Variants in COL18A1 observed in about 807,000 individuals in gnomAD.
COL18A1 encodes the protein collagen alpha-1(XVIII) chain.
Under a neutral mutation model 168.0 loss-of-function variants are expected in COL18A1, and 133 were observed. That is an observed-to-expected ratio of 0.79 (90% confidence interval 0.69 to 0.91). The LOEUF is 0.91. COL18A1 is among the 40% of genes least tolerant of loss of function. The pLI, the probability that COL18A1 is intolerant of heterozygous loss-of-function variation, is 0.00. For synonymous variants in COL18A1, 949 were observed against 809.0 expected (o/e 1.17, Z -2.94); for missense variants, 2,126 against 1,925.4 (o/e 1.10, Z -1.95).
intron 2 of COL18A1, among the ~76,000 whole-genome samples, chr21:45,444,094 C>G (rs1028079978): frequency 1.3e-5 from 2 of 152,228 alleles, no homozygotes; most frequent in African/African-American, 4.8e-5. Flanking sequence ...TCGGCCCCTT[C>G]CCCGTTGCAC....
intron 2 of COL18A1, among the ~76,000 whole-genome samples, chr21:45,453,114 A>G (rs533133271): frequency 1.3e-5 from 2 of 149,984 alleles, no homozygotes; most frequent in South Asian, 2.1e-4. Context: ...AGCATTATGT[A>G]TGTGTGTGGG....
intron 3 of COL18A1, among the ~76,000 whole-genome samples, chr21:45,470,495 T>G (rs1200900772): frequency 8.1e-5 from 12 of 148,214 alleles, no homozygotes; most frequent in East Asian, 5.8e-4. Context: ...TTTTTTTGTT[T>G]TTTTTTTTTT....
chr21:45,411,478 G>T (rs1463737059), intron 2 of COL18A1, among the ~76,000 whole-genome samples: 1 of 152,142 alleles, frequency 6.6e-6, no homozygotes, highest in Non-Finnish European at 1.5e-5. Flanking sequence ...GGCCGTGCCT[G>T]CCCGAGAAGA....
intron 37 of COL18A1, chr21:45,506,283 G>A (rs2037198600): frequency 5.1e-5 from 20 of 389,686 alleles, no homozygotes; most frequent in South Asian, 4.3e-4. Flanking sequence ...CAAGGCGCCT[G>A]ACGGGACGAG....
At chr21:45,493,325 G>A in intron 25 of COL18A1, 100 bp downstream of exon 25, 2 of 1,398,660 alleles carry the variant, frequency 1.4e-6, no homozygotes, top group Non-Finnish European at 2.0e-6. Context: ...GGACCCCCCG[G>A]CTGCTGCTGT....
rs978232171 is a variant in COL18A1, at chr21:45,475,599, G to T, written c.798+64G>T. The T allele has an allele frequency of 3.6e-6, 5 of 1,388,556 alleles. No individual in the cohort carries two copies. In the Admixed American group the frequency reaches 7.7e-5, roughly 21 times the overall value. 86.0% of individuals were successfully genotyped at this position (1,388,556 alleles called of 1,614,324 possible). ...CCCGGGAGAGCCCCTCCCAGCAGTG[G>T]GGTGACACATGTGCACACGCAGGTG... On this transcript the variant is annotated intron_variant, in intron 5 of 41. Transcript: ENST00000651438.
At position 45,504,526 on chromosome 21, in the gene COL18A1, C is replaced by T. The variant is rs763932941; in HGVS notation, c.2838C>T (p.Pro946=). ...SLPGPPGPPG[P]PGPRGYPGIP... is the part of the protein sequence containing the mutation. ...CCGGCCCCCCCGGCCCCCCAGGCCC[C>T]CCAGGCCCACGTGGCTACCCTGGGA... is the stretch of plus-strand genomic sequence containing the variant. Residue 946 remains proline, a synonymous_variant, in exon 34 of 42, where the codon CCC becomes CCT. Transcript: ENST00000651438. 49 of 621,312 alleles carry T rather than the reference C, an allele frequency of 7.9e-5. No individual in the cohort carries two copies. In the African/African-American group the frequency reaches 9.1e-4, roughly 12 times the overall value. The allele number at this position is 621,312 out of a possible 1,614,324, so 38.5% of individuals were successfully genotyped here.
At chr21:45,405,669 C>T (rs1344190498) in intron 2 of COL18A1, among the ~76,000 whole-genome samples, 196 bp downstream of exon 2, 4 of 151,016 alleles carry the variant, frequency 2.6e-5, no homozygotes, top group African/African-American at 4.8e-5. Context: ...TTCATTCTCC[C>T]CGCGGGGTCC....
intron 37 of COL18A1, 90 bp downstream of exon 37, chr21:45,506,056 A>G (rs757321185): frequency 4.0e-5 from 64 of 1,594,624 alleles, no homozygotes; most frequent in Non-Finnish European, 5.1e-5. Flanking sequence ...CAGGCCCCGG[A>G]CAGGGATGGG....
rs59034607 is a variant in COL18A1, at chr21:45,443,092, ATGTGGGCGGCGGTGCTGG to A, written c.107-25089_107-25072del. ...GCTGGTGTGGGTGGTGGTGGTGCTG[ATGTGGGCGGCGGTGCTGG>A]TGTGGGCGGCGGTGCTGGTGTGGGC... On this transcript the variant is annotated intron_variant, in intron 2 of 41. Transcript: ENST00000651438. This position sits in a 1 kb window ranked among gnomAD's most constrained non-coding sequence, Gnocchi z 5.2. Among the ~76,000 whole-genome samples the A allele has an allele frequency of 0.11, 8,786 of 78,454 alleles. 391 individuals are homozygous for A. The highest frequency in any genetic ancestry group is 0.14 in the Admixed American group (1,101 of 8,038). 51.5% of individuals were successfully genotyped at this position (78,454 alleles called of 152,430 possible). A position where few individuals can be genotyped will look rare whatever the true frequency, so the allele number is the denominator to read the frequency against.
chr21:45,435,399 T>G (rs1373244226), intron 2 of COL18A1, among the ~76,000 whole-genome samples: 2 of 151,378 alleles, frequency 1.3e-5, no homozygotes, highest in Non-Finnish European at 1.5e-5. Flanking sequence ...GTGGGTTGGT[T>G]AGGTCTGGGT....
At chr21:45,458,455 C>A (rs1352470228) in intron 2 of COL18A1, among the ~76,000 whole-genome samples, 2 of 152,082 alleles carry the variant, frequency 1.3e-5, no homozygotes, top group Non-Finnish European at 2.9e-5. Flanking sequence ...TTAGATGTCA[C>A]CCCCAGGGCA....
chr21:45,474,587 T>C (rs1311439077), intron 4 of COL18A1, among the ~76,000 whole-genome samples: 1 of 152,150 alleles, frequency 6.6e-6, no homozygotes. Context: ...GTGGCGTGTG[T>C]GTTGGTGGGG....
intron 2 of COL18A1, among the ~76,000 whole-genome samples, chr21:45,415,846 GT>G: frequency 6.6e-6 from 1 of 152,238 alleles, no homozygotes; most frequent in Non-Finnish European, 1.5e-5. Context: ...TGTGTTGGGG[GT>G]TTTCATAAAG....
intron 2 of COL18A1, chr21:45,424,517 G>A (rs1410835518): frequency 6.6e-6 from 1 of 152,214 alleles, no homozygotes; most frequent in Non-Finnish European, 1.5e-5. Flanking sequence ...GAGCCTGCGT[G>A]GTCACCTCCC....
intron 18 of COL18A1, among the ~76,000 whole-genome samples, chr21:45,489,100 A>C (rs1448385325): frequency 6.6e-6 from 1 of 152,168 alleles, no homozygotes; most frequent in African/African-American, 2.4e-5. Context: ...AGCCCCTGCC[A>C]TGGCACCTGC....
chr21:45,446,335 A>C (rs1429285822), intron 2 of COL18A1, among the ~76,000 whole-genome samples: 2 of 152,240 alleles, frequency 1.3e-5, no homozygotes, highest in Non-Finnish European at 2.9e-5. Context: ...TCGCATTGTA[A>C]GTCTTAAAAC....
chr21:45,506,827 C>G (rs79268468), intron 37 of COL18A1: 1 of 169,156 alleles, frequency 5.9e-6, no homozygotes, highest in Non-Finnish European at 1.3e-5. Context: ...CCCTCCCTCT[C>G]GCCACCGGCC....
Position 45,473,807 on chromosome 21 carries a change from G to A in COL18A1, c.652-88G>A. 1 of 1,114,098 alleles carries A rather than the reference G, an allele frequency of 9.0e-7. No individual in the cohort carries two copies. Among genetic ancestry groups the A allele is most frequent in the Non-Finnish European group, 1.3e-6 (1 of 754,488 alleles). The allele number at this position is 1,114,098 out of a possible 1,614,324, so 69.0% of individuals were successfully genotyped here. A position where few individuals can be genotyped will look rare whatever the true frequency, so the allele number is the denominator to read the frequency against. On this transcript the variant is annotated intron_variant, in intron 3 of 41. Coordinates refer to ENST00000651438, the MANE Select transcript of COL18A1 (RefSeq NM_001379500.1). This position sits in a 1 kb window ranked among gnomAD's most constrained non-coding sequence, Gnocchi z 4.0. ...TCCGAGACTCTCCTGCCCTTTGTGG[G>A]CCCCCCGAAATCTGGAGCTCAAGCA...
Sources: gnomAD v4.1 joint callset for allele counts (sites outside exome capture counted in the v4.1 genomes callset) on GRCh38, gnomAD v4.1.1 for gene constraint, Gnocchi (gnomAD v3.1) non-coding constraint, MANE v1.5 for transcripts, NCBI Gene and HGNC (gene_info 2026-07-23, HGNC 2026-07-21) for gene names.